The following CDKL5 variants were observed in gnomAD, a reference collection of about 807,000 sequenced individuals.
CDKL5 encodes the protein cyclin dependent kinase like 5.
In CDKL5, 8 loss-of-function variants were observed where a neutral mutation model predicts 61.7. The observed-to-expected ratio is 0.13, with a 90% confidence interval of 0.08 to 0.23. CDKL5 has a LOEUF of 0.23. CDKL5 is among the 10% of genes least tolerant of loss of function. The probability of loss-of-function intolerance (pLI) is 1.00; values close to 1 mark genes in which losing one functional copy is unlikely to be tolerated. For missense variants in CDKL5, 440 were observed against 734.5 expected (o/e 0.60, Z 4.63); for synonymous variants, 275 against 272.3 (o/e 1.01, Z -0.10).
intron 3 of CDKL5, among the ~76,000 whole-genome samples, chrX:18,556,479 G>C (rs1171171422): frequency 1.8e-5 from 2 of 111,183 alleles, no homozygotes; most frequent in East Asian, 2.8e-4. Context: ...GTGATCATGG[G>C]ACAAATTATG....
chrX:18,621,847 G>A (rs994031023), intron 16 of CDKL5, among the ~76,000 whole-genome samples: 1 of 111,720 alleles, frequency 9.0e-6, no homozygotes. Context: ...TTTAACATAG[G>A]AATACTTAAA....
intron 1 of CDKL5, among the ~76,000 whole-genome samples, chrX:18,448,489 TCTTTA>T (rs941032209): frequency 8.9e-6 from 1 of 112,283 alleles, no homozygotes; most frequent in African/African-American, 3.2e-5. Flanking sequence ...ATACTTGATG[TCTTTA>T]CTTTTTGTCT....
At chrX:18,571,985 C>T (rs939954417) in intron 4 of CDKL5, among the ~76,000 whole-genome samples, 2 of 111,844 alleles carry the variant, frequency 1.8e-5, no homozygotes, top group African/African-American at 6.5e-5. Flanking sequence ...CATTTATCTT[C>T]TCTAACCATT....
chrX:18,589,377 G>A (rs977342471), intron 9 of CDKL5: 92 of 110,569 alleles, frequency 8.3e-4, no homozygotes, highest in African/African-American at 2.9e-3. Context: ...ACCTATGAGT[G>A]AGAACATGCA....
intron 1 of CDKL5, among the ~76,000 whole-genome samples, chrX:18,476,816 G>A (rs1340222251): frequency 9.0e-6 from 1 of 111,286 alleles, no homozygotes; most frequent in African/African-American, 3.3e-5. Flanking sequence ...CGCCATGCTG[G>A]AGTGCAGTGG....
chrX:18,554,340 A>G (rs1207813212), intron 3 of CDKL5, among the ~76,000 whole-genome samples: 1 of 107,381 alleles, frequency 9.3e-6, no homozygotes, highest in Non-Finnish European at 1.9e-5. Context: ...GCCTAATGAA[A>G]ACCATTCCTG....
intron 19 of CDKL5, chrX:18,645,968 G>A: frequency 8.3e-7 from 1 of 1,210,340 alleles, no homozygotes; most frequent in Non-Finnish European, 1.1e-6. Context: ...GGCAAGTCAT[G>A]CGCACTCTGC....
rs752461204 is a variant in CDKL5, at chrX:18,609,607, C to T, written c.2152+37C>T. ...CCCGGCATTCAACAGGTTCCCCTCT[C>T]CTCCCTCTCTCACTTTATGTGCACA... On this transcript the variant is annotated intron_variant, in intron 14 of 17. Coordinates refer to ENST00000623535, the MANE Select transcript of CDKL5 (RefSeq NM_001323289.2). 2.5e-6 allele frequency: 3 copies of T among 1,205,417 alleles called. No homozygotes were observed. The South Asian group carries it at 5.3e-5, about 21-fold the overall frequency.
At chrX:18,580,842 G>A (rs1424719601) in intron 6 of CDKL5, among the ~76,000 whole-genome samples, 1 of 111,919 alleles carries the variant, frequency 8.9e-6, no homozygotes, top group Non-Finnish European at 1.9e-5. Flanking sequence ...TCACTTGTGA[G>A]AATAGTTTAA....
chrX:18,477,305 G>T (rs1466478348), intron 1 of CDKL5, among the ~76,000 whole-genome samples: 1 of 110,643 alleles, frequency 9.0e-6, no homozygotes, highest in African/African-American at 3.3e-5. Flanking sequence ...GACTTCAAGT[G>T]ATCTGTCCAC....
intron 11 of CDKL5, 57 bp from the exon 12 acceptor site, chrX:18,603,845 C>CT (rs1926251179): frequency 8.5e-7 from 1 of 1,172,758 alleles, no homozygotes; most frequent in East Asian, 3.0e-5. Flanking sequence ...TTTAACAATA[C>CT]TTTTTGTGTG....
intron 1 of CDKL5, among the ~76,000 whole-genome samples, chrX:18,503,741 T>C (rs1922469361): frequency 1.8e-5 from 2 of 112,306 alleles, no homozygotes; most frequent in South Asian, 3.6e-4. Flanking sequence ...AAGGATGTTT[T>C]TGTTTTGTTT....
chrX:18,649,177 G>A (rs769591569), intron 20 of CDKL5, among the ~76,000 whole-genome samples: 53 of 110,879 alleles, frequency 4.8e-4, no homozygotes, highest in African/African-American at 1.6e-3. Flanking sequence ...AGGGGGTCTT[G>A]TGCTTATAAC....
chrX:18,649,715 C>G (rs1745909319), intron 20 of CDKL5, among the ~76,000 whole-genome samples: 2 of 112,101 alleles, frequency 1.8e-5, no homozygotes, highest in African/African-American at 6.5e-5. Context: ...TGAAAGTGCA[C>G]CTTGAAAACC....
intron 16 of CDKL5, 58 bp from the exon 17 acceptor site, chrX:18,625,070 A>C (rs1602298493): frequency 5.2e-6 from 6 of 1,142,956 alleles, no homozygotes; most frequent in Non-Finnish European, 7.2e-6. Context: ...GTGTGGTTGC[A>C]TATCTTAATT....
chrX:18,427,995 G>A (rs1003308373), intron 1 of CDKL5, among the ~76,000 whole-genome samples: 8 of 111,791 alleles, frequency 7.2e-5, no homozygotes, highest in Non-Finnish European at 1.5e-4. Flanking sequence ...GGGCCGTCTC[G>A]CATAGATGGG....
chrX:18,501,090 C>T (rs540090990), intron 1 of CDKL5, among the ~76,000 whole-genome samples: 4 of 111,384 alleles, frequency 3.6e-5, no homozygotes, highest in African/African-American at 1.3e-4. Flanking sequence ...GTCTGCCTGC[C>T]TCAGCCTCCC....
rs60516677 is a variant in CDKL5 at position 18,509,197 on chromosome X, GCACACACACA to G, written c.65-1583_65-1574del. On this transcript the variant is annotated intron_variant, in intron 2 of 17. Coordinates refer to ENST00000623535, the MANE Select transcript of CDKL5 (RefSeq NM_001323289.2). ...AGAGAGCGAGACTGTCTCAAAACAC[GCACACACACA>G]CACACACACACACACACACACACAC... Among the ~76,000 whole-genome samples the G allele has an allele frequency of 2.9e-3, 184 of 64,302 alleles. 1 individual carries two copies. The highest frequency in any genetic ancestry group is 6.9e-3 in the East Asian group (10 of 1,453). 55.8% of individuals were successfully genotyped at this position (64,302 alleles called of 115,157 possible).
intron 14 of CDKL5, among the ~76,000 whole-genome samples, chrX:18,610,302 T>C (rs1008224493): frequency 8.9e-6 from 1 of 112,722 alleles, no homozygotes; most frequent in Non-Finnish European, 1.9e-5. Context: ...TAATGTACTC[T>C]TCCTCCTGCT....
Sources: gnomAD v4.1 joint callset for allele counts (sites outside exome capture counted in the v4.1 genomes callset) on GRCh38, gnomAD v4.1.1 for gene constraint, MANE v1.5 for transcripts, NCBI Gene and HGNC (gene_info 2026-07-23, HGNC 2026-07-21) for gene names.